The following PLXDC1 variants were observed in gnomAD, a reference collection of about 807,000 sequenced individuals.
PLXDC1 encodes plexin domain containing 1.
Under a neutral mutation model 61.3 loss-of-function variants are expected in PLXDC1, and 39 were observed. That is an observed-to-expected ratio of 0.64 (90% CI 0.49 to 0.83). The LOEUF is 0.83. Ranked by LOEUF, PLXDC1 falls within the 40% of genes least tolerant of loss-of-function variation. PLXDC1 has a pLI of 0.00. For missense variants in PLXDC1, 596 were observed against 666.5 expected (o/e 0.89, Z 1.17); for synonymous variants, 212 against 254.5 (o/e 0.83, Z 1.59).
At chr17:39,071,798 C>T (rs1909129165) in intron 12 of PLXDC1, among the ~76,000 whole-genome samples, 1 of 152,178 alleles carries the variant, frequency 6.6e-6, no homozygotes, top group Non-Finnish European at 1.5e-5. Context: ...AATCTTTCCT[C>T]TCCTGCTGGA....
At chr17:39,071,525 G>T (rs1353376018) in intron 12 of PLXDC1, among the ~76,000 whole-genome samples, 1 of 152,206 alleles carries the variant, frequency 6.6e-6, no homozygotes, top group African/African-American at 2.4e-5. Context: ...CCAGGGCATG[G>T]CTAGGGCCTC....
In PLXDC1 at chr17:39,099,669, C is replaced by A. The variant is rs116554285; in HGVS notation, c.811+6185G>T. 4.1e-3 allele frequency among the ~76,000 whole-genome samples: 622 copies of A among 152,278 alleles called. 5 individuals are homozygous for A. Among genetic ancestry groups the A allele is most frequent in the African/African-American group, 0.014 (576 of 41,562 alleles). On this transcript the variant is annotated intron_variant, in intron 7 of 13. Transcript: ENST00000315392. ...AATGGAGAAGATCTGGACTTGAATTCTTCCTTTCATAGCTGTGTGACCAAG... is the reference window on the plus strand; with the variant it reads ...AATGGAGAAGATCTGGACTTGAATTATTCCTTTCATAGCTGTGTGACCAAG...
chr17:39,115,019 T>C (rs1910923297), intron 2 of PLXDC1, among the ~76,000 whole-genome samples: 1 of 152,244 alleles, frequency 6.6e-6, no homozygotes, highest in African/African-American at 2.4e-5. Context: ...TTCCTGGGAA[T>C]GCATCTTCCT....
At chr17:39,092,296 A>C (rs1909985272) in intron 7 of PLXDC1, among the ~76,000 whole-genome samples, 1 of 151,452 alleles carries the variant, frequency 6.6e-6, no homozygotes, top group Non-Finnish European at 1.5e-5. Flanking sequence ...CTGGTCTCCA[A>C]CTCCCGGGCT....
At position 39,129,711 on chromosome 17, in the gene PLXDC1, G is replaced by GAAAGAAAGAAAGAAAGAAA. The variant is rs1249381083; in HGVS notation, c.255+9942_255+9943insTTTCTTTCTTTCTTTCTTT. Among the ~76,000 whole-genome samples, 23 of 108,334 alleles carry GAAAGAAAGAAAGAAAGAAA rather than the reference G, an allele frequency of 2.1e-4. No homozygotes were observed. In the East Asian group the frequency reaches 5.3e-3, roughly 25 times the overall value. The allele number at this position is 108,334 out of a possible 152,430, so 71.1% of individuals were successfully genotyped here. On this transcript the variant is annotated intron_variant, in intron 2 of 13. Transcript: ENST00000315392. ...AGAAAAGAAAGAAAGAAAGAAAGAA[G>GAAAGAAAGAAAGAAAGAAA]GAAAGAAAGAAAGAAAGAAAAGAAA...
In PLXDC1 at chr17:39,139,732, G is replaced by T. The variant is rs1463256523; in HGVS notation, c.177C>A (p.Asp59Glu). ...CCAGGTCCTGGCTCAGCTGGGTCCT[G>T]TCCGGCTCTGACACATGCCCAGGGC... ...RESPGHVSEP[D>E]RTQLSQDLGG... Residue 59 changes from aspartate to glutamate, a missense_variant, in exon 2 of 14, where the codon GAC becomes GAA. Asp to Glu is a conservative substitution (Grantham distance 45). Transcript: ENST00000315392. 1.2e-6 allele frequency: 2 copies of T among 1,614,022 alleles called. No individual in the cohort carries two copies. The highest frequency in any genetic ancestry group is 1.1e-5 in the South Asian group (1 of 91,072).
intron 7 of PLXDC1, among the ~76,000 whole-genome samples, chr17:39,089,708 G>A (rs556210569): frequency 3.3e-5 from 5 of 152,176 alleles, no homozygotes; most frequent in Admixed American, 6.5e-5. Context: ...AGGGGTGGGC[G>A]TCCCGTGCCA....
At chr17:39,117,815 C>T (rs1911026331) in intron 2 of PLXDC1, among the ~76,000 whole-genome samples, 1 of 152,188 alleles carries the variant, frequency 6.6e-6, no homozygotes, top group South Asian at 2.1e-4. Context: ...GGCCAGCATC[C>T]TCCAATCTGT....
At chr17:39,133,681 C>T (rs1338682776) in intron 2 of PLXDC1, among the ~76,000 whole-genome samples, 4 of 152,096 alleles carry the variant, frequency 2.6e-5, no homozygotes, top group South Asian at 2.1e-4. Flanking sequence ...TGCTGTGGCG[C>T]GACCATGGCT....
chr17:39,096,248 T>C (rs2143571812), intron 7 of PLXDC1, among the ~76,000 whole-genome samples: 1 of 152,130 alleles, frequency 6.6e-6, no homozygotes, highest in Non-Finnish European at 1.5e-5. Context: ...GGGGGAGAAG[T>C]AGGGGGGTCC....
Position 39,151,178 on chromosome 17 carries a change from C to T in PLXDC1, c.76+184G>A, listed in dbSNP as rs116783437. Among the ~76,000 whole-genome samples, 3,901 of 152,334 alleles carry T rather than the reference C, an allele frequency of 0.026. 165 individuals carry two copies. The highest frequency in any genetic ancestry group is 0.089 in the African/African-American group (3,706 of 41,568). On this transcript the variant is annotated intron_variant, in intron 1 of 13. Coordinates refer to ENST00000315392, the MANE Select transcript of PLXDC1 (RefSeq NM_020405.5). The surrounding 1 kb of genome is among the most constrained non-coding windows in gnomAD (Gnocchi z 5.2). Reference sequence around the variant, plus strand: ...CGGTGTCTCCACCGTCACTCACACACCCTATGTGTTTGGGAAAGTGGGGTC... The same window carrying T: ...CGGTGTCTCCACCGTCACTCACACATCCTATGTGTTTGGGAAAGTGGGGTC...
At chr17:39,078,217 C>T (rs1909417366) in intron 10 of PLXDC1, among the ~76,000 whole-genome samples, 169 bp from the exon 11 acceptor site, 2 of 152,180 alleles carry the variant, frequency 1.3e-5, no homozygotes, top group African/African-American at 2.4e-5. Flanking sequence ...GAACGGTCAC[C>T]AACAGCTAAC....
At chr17:39,142,645 T>C (rs572989075) in intron 1 of PLXDC1, among the ~76,000 whole-genome samples, 1 of 152,358 alleles carries the variant, frequency 6.6e-6, no homozygotes, top group Admixed American at 6.5e-5. Flanking sequence ...CTCAGCCTTC[T>C]GAGTAGCTGG....
rs765896704 is a variant in PLXDC1, at chr17:39,078,006, C to T, written c.1093G>A (p.Asp365Asn). ...AAGGAAGTGTCAGGGGAGGCTGAGT[C>T]GTGGTCCTCATCCTGGAAGTCCTCG... ...MCEDFQDEDHDSASPDTSFSP... is the reference protein window; with the variant it reads ...MCEDFQDEDHNSASPDTSFSP... The change falls in exon 11 of 14, where the codon GAC becomes AAC. Residue 365 changes from aspartate to asparagine, a missense_variant. Coordinates refer to ENST00000315392, the MANE Select transcript of PLXDC1 (RefSeq NM_020405.5). The T allele has an allele frequency of 1.9e-5, 30 of 1,612,752 alleles. No homozygotes were observed. The highest frequency in any genetic ancestry group is 1.1e-4 in the East Asian group (5 of 44,864).
intron 2 of PLXDC1, among the ~76,000 whole-genome samples, chr17:39,114,874 A>G (rs1210009835): frequency 1.3e-5 from 2 of 152,170 alleles, no homozygotes; most frequent in African/African-American, 4.8e-5. Flanking sequence ...TGGGCCCCGC[A>G]CAGCGAGAGC....
chr17:39,131,956 T>G (rs924766408), intron 2 of PLXDC1: 1 of 152,676 alleles, frequency 6.5e-6, no homozygotes, highest in African/African-American at 2.4e-5. Flanking sequence ...TCTTGGATGA[T>G]GGGGTCCCTG....
At chr17:39,143,012 C>A (rs557256) in intron 1 of PLXDC1, among the ~76,000 whole-genome samples, 1 of 152,066 alleles carries the variant, frequency 6.6e-6, no homozygotes, top group African/African-American at 2.4e-5. Flanking sequence ...GTGGCGGGCA[C>A]CCATAATCCC....
At chr17:39,079,375 C>T (rs778531475) in intron 9 of PLXDC1, 17 of 604,836 alleles carry the variant, frequency 2.8e-5, no homozygotes, top group Non-Finnish European at 5.3e-5. Flanking sequence ...TCCCCAGGAC[C>T]AAGGCCACAT....
At chr17:39,141,436 G>T (rs1440999386) in intron 1 of PLXDC1, among the ~76,000 whole-genome samples, 1 of 152,186 alleles carries the variant, frequency 6.6e-6, no homozygotes. Flanking sequence ...TAAATTCAAG[G>T]TTCATTCATG....
Sources: gnomAD v4.1 joint callset for allele counts (sites outside exome capture counted in the v4.1 genomes callset) on GRCh38, gnomAD v4.1.1 for gene constraint, Gnocchi (gnomAD v3.1) non-coding constraint, MANE v1.5 for transcripts, NCBI Gene and HGNC (gene_info 2026-07-23, HGNC 2026-07-21) for gene names.